LTBP2: variants seen among roughly 807,000 people sequenced by gnomAD.
LTBP2 encodes the protein latent-transforming growth factor beta-binding protein 2.
A neutral mutation model predicts 210.6 loss-of-function variants in LTBP2; 103 were observed. The ratio of observed to expected loss-of-function variants is 0.49; its 90% CI spans 0.42 to 0.58. The LOEUF (loss-of-function observed/expected upper bound fraction) is 0.58, where lower values mean the gene tolerates loss of function less well. Ranked by LOEUF, LTBP2 falls within the 20% of genes least tolerant of loss-of-function variation. LTBP2 has a pLI of 0.00. For missense variants in LTBP2, 2,313 were observed against 2,494.5 expected (o/e 0.93, Z 1.55); for synonymous variants, 1,007 against 1,015.0 (o/e 0.99, Z 0.15).
chr14:74,528,502 G>A lies in LTBP2; in HGVS notation c.2349C>T (p.Ala783=), dbSNP rs377627822. ...LRVVTDTWLE[A]GTIPDKGDSQ... ...AGATACCCTTGTCAGGGATGGTCCCGGCCTCAAGCCAGGTGTCCGTGACGA... is the reference window on the plus strand; with the variant it reads ...AGATACCCTTGTCAGGGATGGTCCCAGCCTCAAGCCAGGTGTCCGTGACGA... Residue 783 remains alanine, a synonymous_variant, in exon 12 of 36, where the codon GCC becomes GCT. Transcript: ENST00000261978. The A allele has an allele frequency of 1.9e-5, 31 of 1,611,892 alleles. No individual in the cohort carries two copies. The highest frequency in any genetic ancestry group is 6.7e-5 in the African/African-American group (5 of 74,892).
intron 16 of LTBP2, 83 bp from the exon 17 acceptor site, chr14:74,522,122 A>G: frequency 6.8e-7 from 1 of 1,475,724 alleles, no homozygotes; most frequent in Non-Finnish European, 9.3e-7. Flanking sequence ...TGCCCACACT[A>G]GGGGCTGGGC....
intron 3 of LTBP2, among the ~76,000 whole-genome samples, chr14:74,562,454 G>A (rs568451183): frequency 6.6e-6 from 1 of 152,090 alleles, no homozygotes; most frequent in Non-Finnish European, 1.5e-5. Context: ...CCCCTGCTTG[G>A]CCAAACCCAC....
chr14:74,588,396 T>C (rs1008065079), intron 2 of LTBP2, among the ~76,000 whole-genome samples: 1 of 152,126 alleles, frequency 6.6e-6, no homozygotes, highest in Admixed American at 6.5e-5. Flanking sequence ...TAATTTTGTA[T>C]TTTTATTGGA....
At chr14:74,540,769 A>AATATATATATATATTATACATATATTT (rs2087483322) in intron 8 of LTBP2, among the ~76,000 whole-genome samples, 1 of 92,976 alleles carries the variant, frequency 1.1e-5, no homozygotes, top group Non-Finnish European at 2.1e-5. Context: ...CATCTTAAAA[A>AATATATATATATATTATACATATATTT]ATATATATAT....
In LTBP2 at chr14:74,510,069, G is replaced by A. The variant is rs537688604; in HGVS notation, c.3151+22C>T. On this transcript the variant is annotated intron_variant, in intron 20 of 35. Transcript: ENST00000261978. ...CAAGCTGGATCGGCCTGCGGAGAAGGGGCGCTTCAGCATCTCTGTACCTTG... is the reference window on the plus strand; with the variant it reads ...CAAGCTGGATCGGCCTGCGGAGAAGAGGCGCTTCAGCATCTCTGTACCTTG... 5 of 1,613,888 alleles carry A rather than the reference G, an allele frequency of 3.1e-6. No individual in the cohort carries two copies. The African/African-American group carries it at 5.3e-5, about 17-fold the overall frequency.
chr14:74,542,170 G>T (rs1283871378), intron 8 of LTBP2, among the ~76,000 whole-genome samples: 1 of 152,228 alleles, frequency 6.6e-6, no homozygotes, highest in East Asian at 1.9e-4. Flanking sequence ...CAGATGTGGG[G>T]AACCTTCCTG....
intron 3 of LTBP2, among the ~76,000 whole-genome samples, chr14:74,557,114 T>C (rs1417460469): frequency 6.6e-6 from 1 of 151,938 alleles, no homozygotes; most frequent in East Asian, 1.9e-4. Flanking sequence ...ATACAAAAAT[T>C]AGCTGGGTGT....
intron 2 of LTBP2, among the ~76,000 whole-genome samples, chr14:74,600,839 G>C (rs1411217488): frequency 6.6e-6 from 1 of 152,178 alleles, no homozygotes. Flanking sequence ...CTCAAAGTGT[G>C]GTCCCTGGGC....
rs780305021 is a variant in LTBP2 at position 74,505,182 on chromosome 14, T to C, written c.4178-8A>G. The C allele has an allele frequency of 6.2e-7, 1 of 1,611,914 alleles. No individual in the cohort carries two copies. Among genetic ancestry groups the C allele is most frequent in the South Asian group, 1.1e-5 (1 of 91,082 alleles). On this transcript the variant is annotated splice_region_variant and splice_polypyrimidine_tract_variant and intron_variant, in intron 28 of 35. Transcript: ENST00000261978. Reference sequence around the variant, plus strand: ...CCTCAGACATACTCTGACCTGTGCGTGACAGATGCTCATTACTGTCTGTTC... The same window carrying C: ...CCTCAGACATACTCTGACCTGTGCGCGACAGATGCTCATTACTGTCTGTTC...
chr14:74,537,569 C>T (rs1318467962), intron 8 of LTBP2, among the ~76,000 whole-genome samples: 1 of 152,140 alleles, frequency 6.6e-6, no homozygotes, highest in African/African-American at 2.4e-5. Flanking sequence ...AATGCTGCAC[C>T]CTCCATCTCT....
chr14:74,586,678 C>T lies in LTBP2; in HGVS notation c.566-560G>A, dbSNP rs769749338. Among the ~76,000 whole-genome samples, 4 of 152,282 alleles carry T rather than the reference C, an allele frequency of 2.6e-5. No homozygotes were observed. The highest frequency in any genetic ancestry group is 4.4e-5 in the Non-Finnish European group (3 of 68,020). ...TGAGCCTCTATTTGCGCCTAAATCA[C>T]GGGAGGGGTGAACTAAGGAGGCTGG... On this transcript the variant is annotated intron_variant, in intron 2 of 35. Coordinates refer to ENST00000261978, the MANE Select transcript of LTBP2 (RefSeq NM_000428.3). This position sits in a 1 kb window ranked among gnomAD's most constrained non-coding sequence, Gnocchi z 4.6.
chr14:74,535,559 C>G (rs891231888), intron 9 of LTBP2, among the ~76,000 whole-genome samples: 4 of 152,180 alleles, frequency 2.6e-5, no homozygotes, highest in Non-Finnish European at 5.9e-5. Flanking sequence ...GATTTCCCAC[C>G]CTAGAGCTGA....
chr14:74,508,969 G>T lies in LTBP2; in HGVS notation c.3404-17C>A. The stretch of plus-strand genomic sequence containing the variant: ...CATCCACATCTGCAGGGCCACACAG[G>T]GGAGGAAGACAGCCGATGGCAGCAC... On this transcript the variant is annotated splice_polypyrimidine_tract_variant and intron_variant, in intron 22 of 35. Transcript: ENST00000261978. 6.2e-7 allele frequency: 1 copy of T among 1,612,736 alleles called. No homozygotes were observed. Among genetic ancestry groups the T allele is most frequent in the South Asian group, 1.1e-5 (1 of 91,080 alleles).
rs1190462829 is a variant in LTBP2, at chr14:74,540,795, T to TTA, written c.1790-4797_1790-4796dup. 1.1e-3 allele frequency among the ~76,000 whole-genome samples: 21 copies of TTA among 18,416 alleles called. 1 individual carries two copies. The highest frequency in any genetic ancestry group is 3.2e-3 in the East Asian group (5 of 1,570). The allele number at this position is 18,416 out of a possible 152,430, so 12.1% of individuals were successfully genotyped here. ...ATATATATATATATTATATATATATTTATATATATATATAATATATATATA... is the reference window on the plus strand; with the variant it reads ...ATATATATATATATTATATATATATTTATATATATATATATAATATATATATA... On this transcript the variant is annotated intron_variant, in intron 8 of 35. Coordinates refer to ENST00000261978, the MANE Select transcript of LTBP2 (RefSeq NM_000428.3).
intron 18 of LTBP2, among the ~76,000 whole-genome samples, chr14:74,513,769 C>T (rs1175052820): frequency 6.6e-6 from 1 of 151,882 alleles, no homozygotes; most frequent in Non-Finnish European, 1.5e-5. Context: ...CACACCACTG[C>T]ACTCCAGCCT....
intron 26 of LTBP2, 32 bp downstream of exon 26, chr14:74,507,147 C>T (rs755681877): frequency 1.2e-6 from 2 of 1,613,972 alleles, no homozygotes; most frequent in East Asian, 2.2e-5. Context: ...TTTCTCAGCC[C>T]TCTCTCCTCT....
chr14:74,609,298 T>G (rs1339371621), intron 1 of LTBP2, among the ~76,000 whole-genome samples: 1 of 152,194 alleles, frequency 6.6e-6, no homozygotes, highest in Non-Finnish European at 1.5e-5. Context: ...GTGTGTCATG[T>G]GATGTGTGCA....
intron 4 of LTBP2, among the ~76,000 whole-genome samples, chr14:74,553,890 G>A (rs766943525): frequency 9.9e-5 from 15 of 151,580 alleles, no homozygotes; most frequent in Non-Finnish European, 1.9e-4. Flanking sequence ...AAGCTTGACT[G>A]TGAAGGGAGG....
intron 2 of LTBP2, among the ~76,000 whole-genome samples, chr14:74,596,038 C>T (rs943487918): frequency 2.6e-5 from 4 of 151,774 alleles, no homozygotes; most frequent in African/African-American, 9.7e-5. Flanking sequence ...TACAAAAATA[C>T]AAAAATTAGT....
Sources: allele counts gnomAD v4.1 joint callset (sites outside exome capture counted in the v4.1 genomes callset), GRCh38; gene constraint gnomAD v4.1.1; non-coding constraint Gnocchi (gnomAD v3.1); transcripts MANE v1.5; gene names NCBI Gene and HGNC (gene_info 2026-07-23, HGNC 2026-07-21).